The following BOLL variants were observed in gnomAD, a reference collection of about 807,000 sequenced individuals.
BOLL encodes the protein boule RNA binding protein.
A neutral mutation model predicts 44.4 loss-of-function variants in BOLL; 23 were observed. That is an observed-to-expected ratio of 0.52 (90% CI 0.37 to 0.73). The LOEUF (loss-of-function observed/expected upper bound fraction) is 0.73. Among genes scored for constraint, BOLL ranks in the 30% least tolerant of loss-of-function variants. The pLI, the probability that BOLL is intolerant of heterozygous loss-of-function variation, is 0.00. For missense variants in BOLL, 287 were observed against 338.3 expected (o/e 0.85, Z 1.19); for synonymous variants, 97 against 110.8 (o/e 0.88, Z 0.78).
chr2:197,766,736 A>G (rs906339196), intron 6 of BOLL, 133 bp from the exon 7 acceptor site: 2 of 630,138 alleles, frequency 3.2e-6, no homozygotes, highest in African/African-American at 1.8e-5. Context: ...TCTACCTCTT[A>G]TTGATATGAT....
intron 4 of BOLL, among the ~76,000 whole-genome samples, chr2:197,776,122 G>A (rs1177213519): frequency 6.6e-6 from 1 of 151,644 alleles, no homozygotes; most frequent in Non-Finnish European, 1.5e-5. Context: ...CAAATAAGGC[G>A]ATATTCTTTC....
chr2:197,760,992 A>G (rs1252649691), intron 7 of BOLL, among the ~76,000 whole-genome samples: 1 of 152,168 alleles, frequency 6.6e-6, no homozygotes, highest in Non-Finnish European at 1.5e-5. Flanking sequence ...TATTATACCC[A>G]GTAAAGCTAT....
chr2:197,745,651 T>C (rs1057460570), intron 9 of BOLL, among the ~76,000 whole-genome samples: 1 of 152,130 alleles, frequency 6.6e-6, no homozygotes, highest in Non-Finnish European at 1.5e-5. Flanking sequence ...GAACAAAATA[T>C]AGATTTTTAA....
intron 10 of BOLL, 68 bp from the exon 11 acceptor site, chr2:197,728,646 T>C (rs1686962914): frequency 4.7e-6 from 5 of 1,068,692 alleles, no homozygotes; most frequent in East Asian, 2.4e-5. Flanking sequence ...TTAGAACAGA[T>C]GAGTACAGAC....
At chr2:197,729,376 C>T (rs191327991) in intron 10 of BOLL, among the ~76,000 whole-genome samples, 511 of 152,256 alleles carry the variant, frequency 3.4e-3, no homozygotes, top group Admixed American at 6.4e-3. Flanking sequence ...AAGGCGGCAG[C>T]GAGGCTGGGG....
chr2:197,779,062 T>C lies in BOLL; in HGVS notation c.134A>G (p.Asn45Ser). ...IFVGGIDFKT[N>S]ESDLRKFFSQ... ...AAAAAATTTTCTTAAATCACTTTCG[T>C]TTGTCTAATGGCATAAAAAGAAAAC... Residue 45 changes from asparagine (N) to serine (S), a missense_variant, in exon 3 of 11, where the codon AAC (asparagine) becomes AGC (serine). Physicochemically the swap from Asn to Ser is conservative, Grantham distance 46. Transcript: ENST00000392296. The C allele has an allele frequency of 6.2e-7, 1 of 1,605,534 alleles. No individual in the cohort carries two copies. Among genetic ancestry groups the C allele is most frequent in the Non-Finnish European group, 8.5e-7 (1 of 1,174,074 alleles).
At chr2:197,746,548 C>G (rs1382335215) in intron 9 of BOLL, among the ~76,000 whole-genome samples, 1 of 152,098 alleles carries the variant, frequency 6.6e-6, no homozygotes, top group Non-Finnish European at 1.5e-5. Context: ...AAGCCAAGCA[C>G]AGAAAGACAA....
At chr2:197,754,717 A>G (rs559983994) in intron 9 of BOLL, among the ~76,000 whole-genome samples, 87 of 147,898 alleles carry the variant, frequency 5.9e-4, no homozygotes, top group African/African-American at 2.2e-3. Context: ...CCGTCTCAAA[A>G]AACAAAACAA....
At chr2:197,736,850 A>AT (rs1687517695) in intron 10 of BOLL, among the ~76,000 whole-genome samples, 3 of 152,126 alleles carry the variant, frequency 2.0e-5, no homozygotes, top group South Asian at 2.1e-4. Context: ...GAGAATTACT[A>AT]TTTTTTTGGT....
chr2:197,763,961 A>G (rs1162504488), intron 7 of BOLL, among the ~76,000 whole-genome samples: 9 of 152,262 alleles, frequency 5.9e-5, no homozygotes. Context: ...ACTAATTATC[A>G]GGAAACTGTA....
At chr2:197,743,363 TAGAC>T (rs1158769377) in intron 9 of BOLL, among the ~76,000 whole-genome samples, 8 of 152,332 alleles carry the variant, frequency 5.3e-5, no homozygotes, top group South Asian at 2.1e-4. Flanking sequence ...ATGAGGGAAA[TAGAC>T]AGTAGTCAGA....
intron 4 of BOLL, among the ~76,000 whole-genome samples, chr2:197,775,978 G>A (rs1244882376): frequency 6.6e-6 from 1 of 151,788 alleles, no homozygotes; most frequent in African/African-American, 2.4e-5. Flanking sequence ...TTCTGTATTT[G>A]TGAATTTGCC....
chr2:197,753,339 A>T (rs1014989010), intron 9 of BOLL, among the ~76,000 whole-genome samples: 1 of 152,356 alleles, frequency 6.6e-6, no homozygotes, highest in Non-Finnish European at 1.5e-5. Flanking sequence ...AACTATCATC[A>T]GAGTGAACAG....
At chr2:197,753,667 C>T (rs971446585) in intron 9 of BOLL, among the ~76,000 whole-genome samples, 1 of 152,064 alleles carries the variant, frequency 6.6e-6, no homozygotes, top group Non-Finnish European at 1.5e-5. Context: ...GAGAAATAGG[C>T]ATGCTTTTAC....
intron 10 of BOLL, among the ~76,000 whole-genome samples, chr2:197,734,889 GC>G (rs1262241098): frequency 3.3e-5 from 5 of 152,022 alleles, no homozygotes; most frequent in Non-Finnish European, 7.4e-5. Flanking sequence ...CACCAACATG[GC>G]ACACGTATAC....
At chr2:197,782,585 A>T (rs1689838390) in intron 1 of BOLL, among the ~76,000 whole-genome samples, 1 of 152,188 alleles carries the variant, frequency 6.6e-6, no homozygotes, top group Non-Finnish European at 1.5e-5. Flanking sequence ...CCCTCTCTAG[A>T]AATTGCTCAA....
chr2:197,752,261 A>G (rs1688296970), intron 9 of BOLL, among the ~76,000 whole-genome samples: 1 of 152,230 alleles, frequency 6.6e-6, no homozygotes, highest in African/African-American at 2.4e-5. Flanking sequence ...GCCTTCTCTC[A>G]TCACTCCTAT....
intron 7 of BOLL, among the ~76,000 whole-genome samples, chr2:197,764,972 A>G (rs1688926525): frequency 6.6e-6 from 1 of 152,052 alleles, no homozygotes; most frequent in Admixed American, 6.6e-5. Flanking sequence ...AAAAAAAAAA[A>G]GTTGATCTCA....
At chr2:197,738,474 T>G (rs1439444316) in intron 10 of BOLL, among the ~76,000 whole-genome samples, 2 of 152,260 alleles carry the variant, frequency 1.3e-5, no homozygotes, top group East Asian at 3.8e-4. Context: ...ATTGGTCTGT[T>G]TTGTATTTAT....
Sources: gnomAD v4.1 joint callset for allele counts (sites outside exome capture counted in the v4.1 genomes callset) on GRCh38, gnomAD v4.1.1 for gene constraint, MANE v1.5 for transcripts, NCBI Gene and HGNC (gene_info 2026-07-23, HGNC 2026-07-21) for gene names.